The following MAGI1 variants were observed in gnomAD, a reference collection of about 807,000 sequenced individuals.
The protein encoded by MAGI1 is membrane associated guanylate kinase, WW and PDZ domain containing 1.
Under a neutral mutation model 139.9 loss-of-function variants are expected in MAGI1, and 58 were observed. That is an observed-to-expected ratio of 0.41 (90% confidence interval 0.34 to 0.52). The LOEUF is 0.52. Among genes scored for constraint, MAGI1 ranks in the 20% least tolerant of loss-of-function variants. MAGI1 has a pLI of 0.12. For synonymous variants in MAGI1, 812 were observed against 737.9 expected (o/e 1.10, Z -1.63); for missense variants, 1,874 against 1,901.6 (o/e 0.99, Z 0.27).
At chr3:65,609,765 T>C (rs1305483590) in intron 2 of MAGI1, 5 of 344,438 alleles carry the variant, frequency 1.5e-5, no homozygotes, top group African/African-American at 8.6e-5. Flanking sequence ...TTTGTAGAGA[T>C]GGGGTCTCCC....
chr3:65,799,218 A>T (rs1185477346), intron 1 of MAGI1, among the ~76,000 whole-genome samples: 2 of 152,246 alleles, frequency 1.3e-5, no homozygotes, highest in Non-Finnish European at 2.9e-5. Context: ...GTTGCACTTC[A>T]AACTACAAAA....
chr3:65,461,759 A>C (rs549549433), intron 5 of MAGI1, among the ~76,000 whole-genome samples: 1 of 152,254 alleles, frequency 6.6e-6, no homozygotes, highest in African/African-American at 2.4e-5. Context: ...AAGTACTGGG[A>C]ATACAGGCGT....
chr3:65,410,977 T>C (rs949057830), intron 12 of MAGI1, among the ~76,000 whole-genome samples: 3 of 152,144 alleles, frequency 2.0e-5, no homozygotes, highest in Non-Finnish European at 2.9e-5. Context: ...AGAAAAGATA[T>C]GGAATGAGTC....
chr3:65,881,873 A>T (rs1170846893), intron 1 of MAGI1, among the ~76,000 whole-genome samples: 1 of 152,174 alleles, frequency 6.6e-6, no homozygotes, highest in Non-Finnish European at 1.5e-5. Flanking sequence ...TCAAAAAGGC[A>T]TAAGAGCCTC....
At chr3:65,408,858 A>C (rs550869242) in intron 12 of MAGI1, among the ~76,000 whole-genome samples, 1 of 152,328 alleles carries the variant, frequency 6.6e-6, no homozygotes, top group Admixed American at 6.5e-5. Flanking sequence ...ACAGCCTAGG[A>C]ACTGGCATGA....
At chr3:65,705,468 T>C (rs2030063376) in intron 1 of MAGI1, among the ~76,000 whole-genome samples, 1 of 152,240 alleles carries the variant, frequency 6.6e-6, no homozygotes, top group African/African-American at 2.4e-5. Context: ...AATGGTTAAG[T>C]TTGTGTTATG....
intron 1 of MAGI1, among the ~76,000 whole-genome samples, chr3:65,817,501 G>A (rs778767541): frequency 6.6e-6 from 1 of 152,142 alleles, no homozygotes; most frequent in Non-Finnish European, 1.5e-5. Context: ...CAAGAGCTTA[G>A]CTTCAAAAAT....
At chr3:65,888,453 A>T (rs1229367864) in intron 1 of MAGI1, among the ~76,000 whole-genome samples, 1 of 152,212 alleles carries the variant, frequency 6.6e-6, no homozygotes, top group African/African-American at 2.4e-5. Flanking sequence ...AAGAATTCCT[A>T]TGAGGCTACG....
chr3:65,832,624 T>A (rs1277029241), intron 1 of MAGI1, among the ~76,000 whole-genome samples: 1 of 152,040 alleles, frequency 6.6e-6, no homozygotes, highest in Non-Finnish European at 1.5e-5. Context: ...ACAATTACCA[T>A]GTGTTTTGGA....
chr3:65,380,668 A>T (rs2106894215), intron 16 of MAGI1: 1 of 152,326 alleles, frequency 6.6e-6, no homozygotes, highest in South Asian at 2.1e-4. Flanking sequence ...CCTTTTACAC[A>T]GAGCTAAAAA....
intron 2 of MAGI1, among the ~76,000 whole-genome samples, chr3:65,539,869 G>A (rs2079131260): frequency 6.6e-6 from 1 of 152,272 alleles, no homozygotes; most frequent in Non-Finnish European, 1.5e-5. Flanking sequence ...AGGAACCTGG[G>A]AGAGCACTAA....
At chr3:65,359,842 G>A (rs1478446436) in intron 22 of MAGI1, 1 of 985,446 alleles carries the variant, frequency 1.0e-6, no homozygotes, top group African/African-American at 1.7e-5. Flanking sequence ...AAGGTACACA[G>A]GTTACTGACG....
intron 10 of MAGI1, among the ~76,000 whole-genome samples, chr3:65,431,531 G>C (rs943704735): frequency 4.0e-5 from 6 of 151,866 alleles, no homozygotes; most frequent in African/African-American, 1.5e-4. Flanking sequence ...CATGCCTAGG[G>C]CTAAGAATTA....
chr3:65,665,714 C>A (rs2086471141), intron 1 of MAGI1, among the ~76,000 whole-genome samples: 1 of 152,106 alleles, frequency 6.6e-6, no homozygotes, highest in Non-Finnish European at 1.5e-5. Context: ...CAAGAACTGA[C>A]AGTATGTGGA....
intron 2 of MAGI1, among the ~76,000 whole-genome samples, chr3:65,539,057 A>G (rs71621307): frequency 0.26 from 39,027 of 151,728 alleles, 5,359 homozygotes; most frequent in African/African-American, 0.32. Context: ...CCAGAACCAC[A>G]TACCAACTAC....
intron 1 of MAGI1, among the ~76,000 whole-genome samples, chr3:65,859,953 T>C (rs937067793): frequency 7.4e-4 from 112 of 151,136 alleles, no homozygotes; most frequent in Admixed American, 7.1e-3. Context: ...CCCAGGGCAA[T>C]GGCGCGATCT....
At chr3:65,429,461 A>G in intron 12 of MAGI1, 59 bp downstream of exon 12, 1 of 1,503,008 alleles carries the variant, frequency 6.7e-7, no homozygotes, top group Non-Finnish European at 8.9e-7. Flanking sequence ...AAGATGAGTA[A>G]GTTAAGCAAT....
At chr3:66,023,275 G>A (rs776782213) in intron 1 of MAGI1, among the ~76,000 whole-genome samples, 1 of 152,156 alleles carries the variant, frequency 6.6e-6, no homozygotes, top group Non-Finnish European at 1.5e-5. Context: ...GGAGAGAAAA[G>A]ACACACAGTA....
intron 1 of MAGI1, among the ~76,000 whole-genome samples, chr3:65,650,964 T>C (rs1423022555): frequency 6.6e-6 from 1 of 152,220 alleles, no homozygotes; most frequent in Admixed American, 6.5e-5. Flanking sequence ...TTTTTAGTTT[T>C]TCTTGGTGTG....
Sources: gnomAD v4.1 joint callset for allele counts (sites outside exome capture counted in the v4.1 genomes callset) on GRCh38, gnomAD v4.1.1 for gene constraint, MANE v1.5 for transcripts, NCBI Gene and HGNC (gene_info 2026-07-23, HGNC 2026-07-21) for gene names.